FLYWCH1: variants seen among roughly 807,000 people sequenced by gnomAD.
FLYWCH1 encodes the protein FLYWCH-type zinc finger-containing protein 1.
A neutral mutation model predicts 66.4 loss-of-function variants in FLYWCH1; 75 were observed. The observed-to-expected ratio is 1.13, with a 90% confidence interval of 0.94 to 1.37. The LOEUF is 1.37. Ranked by LOEUF, FLYWCH1 falls within the 40% of genes most tolerant of loss-of-function variation. FLYWCH1 has a pLI of 0.00. For missense variants in FLYWCH1, 1,334 were observed against 1,001.8 expected, an observed-to-expected ratio of 1.33 and a Z score of -4.48; for synonymous variants, 595 against 429.9, an observed-to-expected ratio of 1.38 and a Z score of -4.75.
intron 2 of FLYWCH1, among the ~76,000 whole-genome samples, chr16:2,923,630 A>G (rs1159268849): frequency 6.6e-6 from 1 of 152,194 alleles, no homozygotes; most frequent in Admixed American, 6.5e-5. Flanking sequence ...AGCCATTTAT[A>G]TGCACCCATC....
At chr16:2,922,838 A>T in intron 2 of FLYWCH1, 1 of 524,060 alleles carries the variant, frequency 1.9e-6, no homozygotes, top group Non-Finnish European at 3.8e-6. Context: ...CACAGTGAAG[A>T]CAAGTGTGTT....
rs146665306 is a variant in FLYWCH1 at position 2,930,005 on chromosome 16, A to T, written c.320A>T (p.Asp107Val). 1.2e-6 allele frequency: 2 copies of T among 1,602,554 alleles called. No homozygotes were observed. Among genetic ancestry groups the T allele is most frequent in the Admixed American group, 1.7e-5 (1 of 59,780 alleles). ...CCTGAACAGAAGTGCAGCAAGCTGGATGCAGGTGAGGTGTGGCTTCCCGCC... is the reference window on the plus strand; with the variant it reads ...CCTGAACAGAAGTGCAGCAAGCTGGTTGCAGGTGAGGTGTGGCTTCCCGCC... ...EMPEQKCSKL[D>V]AAAPQSLEFL... Residue 107 changes from aspartate to valine, a missense_variant, in exon 3 of 10, where the codon GAT becomes GTT. Coordinates refer to ENST00000253928, the MANE Select transcript of FLYWCH1 (RefSeq NM_001308068.2).
In FLYWCH1 at chr16:2,933,960, G is replaced by T. The variant is rs762440017; in HGVS notation, c.1494G>T (p.Thr498=). 2.6e-6 allele frequency: 4 copies of T among 1,545,344 alleles called. No individual in the cohort carries two copies. The highest frequency in any genetic ancestry group is 1.2e-5 in the South Asian group (1 of 84,160). ...GGCAGCGGGAGAAACGCCCCAACAC[G>T]GCGCAGCGGGGGAGCCCAGGTACCT... ...ALRQREKRPN[T]AQRGSPGGPE... Residue 498 remains threonine (T), a synonymous_variant, in exon 6 of 10, where the codon ACG becomes ACT. Coordinates refer to ENST00000253928, the MANE Select transcript of FLYWCH1 (RefSeq NM_001308068.2).
At position 2,929,793 on chromosome 16, in the gene FLYWCH1, C is replaced by G. The variant is rs373096823; in HGVS notation, c.108C>G (p.Pro36=). 424 of 1,613,824 alleles carry G rather than the reference C, an allele frequency of 2.6e-4. No homozygotes were observed. The highest frequency in any genetic ancestry group is 3.4e-4 in the Non-Finnish European group (404 of 1,179,894). ...TDVIPAAPRK[P]REFSKLVLLT... ...TCATCCCGGCAGCCCCCAGGAAGCC[C>G]AGGGAGTTCTCCAAACTGGTGCTGC... Residue 36 remains proline, a synonymous_variant, in exon 3 of 10, where the codon CCC becomes CCG. Transcript: ENST00000253928.
At position 2,949,578 on chromosome 16, in the gene FLYWCH1, G is replaced by C. The variant is rs888677740; in HGVS notation, c.*851G>C. On this transcript the variant is annotated 3_prime_UTR_variant, in exon 10 of 10. Coordinates refer to ENST00000253928, the MANE Select transcript of FLYWCH1 (RefSeq NM_001308068.2). Reference sequence around the variant, plus strand: ...CCAGTCAGAGGGAGCAGTCCGGAGAGGCAAGATGACCCCACCGGGACTGCA... The same window carrying C: ...CCAGTCAGAGGGAGCAGTCCGGAGACGCAAGATGACCCCACCGGGACTGCA... 6.6e-6 allele frequency: 1 copy of C among 152,148 alleles called. No individual in the cohort carries two copies. The highest frequency in any genetic ancestry group is 2.4e-5 in the African/African-American group (1 of 41,404). 9.4% of individuals were successfully genotyped at this position (152,148 alleles called of 1,614,324 possible).
intron 6 of FLYWCH1, chr16:2,936,397 C>T: frequency 6.6e-6 from 3 of 456,568 alleles, no homozygotes; most frequent in South Asian, 4.6e-5. Flanking sequence ...CACATGGCCC[C>T]TGCCCAGCCC....
chr16:2,933,378 G>C lies in FLYWCH1; in HGVS notation c.1045G>C (p.Glu349Gln), dbSNP rs746601159. Residue 349 changes from glutamate (E) to glutamine (Q), a missense_variant, in exon 5 of 10, where the codon GAG (glutamate) becomes CAG (glutamine). Transcript: ENST00000253928. ...CCGGCGGCAGCAGGAGAAGGCCGTG[G>C]AGACGCTGCAGGCTGGGCAGGACGG... ...EARRQQEKAV[E>Q]TLQAGQDGPG... 55 of 1,602,746 alleles carry C rather than the reference G, an allele frequency of 3.4e-5. No individual in the cohort carries two copies. The highest frequency in any genetic ancestry group is 4.3e-5 in the Non-Finnish European group (50 of 1,175,470).
At position 2,933,465 on chromosome 16, in the gene FLYWCH1, C is replaced by G; in HGVS notation, c.1132C>G (p.Pro378Ala). 6.2e-7 allele frequency: 1 copy of G among 1,603,064 alleles called. No individual in the cohort carries two copies. The highest frequency in any genetic ancestry group is 8.5e-7 in the Non-Finnish European group (1 of 1,175,604). ...GGATAGTTTGCTCTACCGCAGGGGT[C>G]CGGGTCCCCTGACTCTCACCAGGCC... ...GVDSLLYRRGPGPLTLTRPRP... is the reference protein window; with the variant it reads ...GVDSLLYRRGAGPLTLTRPRP... The change falls in exon 5 of 10, where the codon CCG becomes GCG. Residue 378 changes from proline to alanine, a missense_variant. Pro to Ala is a conservative substitution (Grantham distance 27). Transcript: ENST00000253928.
At position 2,921,933 on chromosome 16, in the gene FLYWCH1, C is replaced by T. The variant is rs548374125; in HGVS notation, c.-74+7644C>T. 5.5e-5 allele frequency among the ~76,000 whole-genome samples: 8 copies of T among 146,004 alleles called. No homozygotes were observed. In the South Asian group the frequency reaches 1.3e-3, roughly 24 times the overall value. ...CAAAAATTTGCTAGGTGTGGTGGCG[C>T]GCGCCTGTAGTCCCAGCTACTCAGG... On this transcript the variant is annotated intron_variant, in intron 2 of 9. Transcript: ENST00000253928.
intron 8 of FLYWCH1, among the ~76,000 whole-genome samples, chr16:2,939,131 C>T (rs1252268348): frequency 6.6e-6 from 1 of 152,140 alleles, no homozygotes; most frequent in Non-Finnish European, 1.5e-5. Context: ...ATATTAAGGG[C>T]CATGTCCTGT....
At position 2,937,091 on chromosome 16, in the gene FLYWCH1, C is replaced by T. The variant is rs367923268; in HGVS notation, c.1514-30C>T. The T allele has an allele frequency of 3.5e-5, 55 of 1,573,620 alleles. 2 individuals carry two copies. Among genetic ancestry groups the T allele is most frequent in the African/African-American group, 1.4e-4 (10 of 73,706 alleles). On this transcript the variant is annotated intron_variant, in intron 6 of 9. Coordinates refer to ENST00000253928, the MANE Select transcript of FLYWCH1 (RefSeq NM_001308068.2). Reference sequence around the variant, plus strand: ...GATCTGGGCTCTGAGAGCTGGTGTCCGCTGCTCCTCCCCTCCCATTTCTCA... The same window carrying T: ...GATCTGGGCTCTGAGAGCTGGTGTCTGCTGCTCCTCCCCTCCCATTTCTCA...
intron 1 of FLYWCH1, among the ~76,000 whole-genome samples, chr16:2,912,501 C>T (rs1325004346): frequency 6.6e-6 from 1 of 152,234 alleles, no homozygotes; most frequent in East Asian, 1.9e-4. Context: ...TGACCTTGCA[C>T]TTTTGCGGGT....
intron 9 of FLYWCH1, among the ~76,000 whole-genome samples, chr16:2,941,635 G>C (rs900936925): frequency 2.0e-5 from 3 of 151,854 alleles, no homozygotes; most frequent in Non-Finnish European, 2.9e-5. Context: ...CTAGCATTTT[G>C]GGTGGCTAGG....
At chr16:2,943,540 A>G (rs368244764) in intron 9 of FLYWCH1, 14 of 151,832 alleles carry the variant, frequency 9.2e-5, no homozygotes, top group African/African-American at 2.7e-4. Flanking sequence ...CTGAATAGAC[A>G]CAAAACATTT....
Position 2,949,475 on chromosome 16 carries a change from T to C in FLYWCH1, c.*748T>C, listed in dbSNP as rs2071613672. On this transcript the variant is annotated 3_prime_UTR_variant, in exon 10 of 10. Transcript: ENST00000253928. ...CGTGCCCTGGCTGAGGCCAGCGGCA[T>C]CCTGGGTGGCCCAGGTCCATCCTGG... The C allele has an allele frequency of 6.6e-6, 1 of 152,122 alleles. No homozygotes were observed. Among genetic ancestry groups the C allele is most frequent in the African/African-American group, 2.4e-5 (1 of 41,412 alleles). 9.4% of individuals were successfully genotyped at this position (152,122 alleles called of 1,614,324 possible). A position where few individuals can be genotyped will look rare whatever the true frequency, so the allele number is the denominator to read the frequency against.
intron 4 of FLYWCH1, 138 bp from the exon 5 acceptor site, chr16:2,932,991 CA>C: frequency 1.4e-6 from 1 of 729,760 alleles, no homozygotes; most frequent in South Asian, 1.9e-5. Context: ...GGGCCTCTGA[CA>C]TATCTGGCTC....
At chr16:2,947,466 A>G (rs1174676605) in intron 9 of FLYWCH1, among the ~76,000 whole-genome samples, 5 of 152,154 alleles carry the variant, frequency 3.3e-5, no homozygotes, top group African/African-American at 9.7e-5. Flanking sequence ...AGCTCTTAAA[A>G]AGCAAAAATC....
intron 9 of FLYWCH1, among the ~76,000 whole-genome samples, chr16:2,942,922 G>A (rs975947318): frequency 5.3e-5 from 8 of 151,270 alleles, no homozygotes; most frequent in African/African-American, 1.5e-4. Flanking sequence ...GGCTGGTCAC[G>A]AACTCCCGAC....
intron 4 of FLYWCH1, among the ~76,000 whole-genome samples, 158 bp from the exon 5 acceptor site, chr16:2,932,972 A>G (rs909216812): frequency 2.6e-5 from 4 of 151,742 alleles, no homozygotes; most frequent in African/African-American, 9.7e-5. Context: ...TTCAGTGGGA[A>G]TGGGTTTGGG....
Sources: allele counts gnomAD v4.1 joint callset (sites outside exome capture counted in the v4.1 genomes callset), GRCh38; gene constraint gnomAD v4.1.1; transcripts MANE v1.5; gene names NCBI Gene and HGNC (gene_info 2026-07-23, HGNC 2026-07-21).